Variants in LAMA1 observed in about 807,000 individuals in gnomAD.
LAMA1 encodes the protein laminin subunit alpha-1.
In LAMA1, 219 loss-of-function variants were observed where a neutral mutation model predicts 348.7. The ratio of observed to expected loss-of-function variants is 0.63; its 90% confidence interval spans 0.56 to 0.70. The LOEUF (loss-of-function observed/expected upper bound fraction) is 0.70. LAMA1 is among the 30% of genes least tolerant of loss of function. LAMA1 has a pLI of 0.00. For missense variants in LAMA1, 3,744 were observed against 3,888.0 expected (o/e 0.96, Z 0.99); for synonymous variants, 1,487 against 1,491.0 (o/e 1.00, Z 0.06).
At chr18:7,039,991 A>G in intron 10 of LAMA1, 85 bp downstream of exon 10, 1 of 1,502,074 alleles carries the variant, frequency 6.7e-7, no homozygotes, top group Non-Finnish European at 9.2e-7. Context: ...TTGCTCAAGA[A>G]CTGATCATTG....
intron 16 of LAMA1, among the ~76,000 whole-genome samples, chr18:7,029,690 GA>G (rs1199539304): frequency 1.3e-5 from 2 of 151,986 alleles, no homozygotes; most frequent in Non-Finnish European, 2.9e-5. Context: ...TCTTTCGATT[GA>G]AAAAAGAAAG....
At chr18:6,957,023 C>G (rs1320302296) in intron 55 of LAMA1, 5 of 458,792 alleles carry the variant, frequency 1.1e-5, no homozygotes, top group Middle Eastern at 6.6e-4. Context: ...TCCTGAGCAC[C>G]CCCCAGGTCA....
intron 13 of LAMA1, among the ~76,000 whole-genome samples, chr18:7,035,732 T>G (rs1199708985): frequency 6.6e-6 from 1 of 152,136 alleles, no homozygotes; most frequent in Non-Finnish European, 1.5e-5. Flanking sequence ...TCTTTTTAAA[T>G]GTGAAAAGAT....
intron 1 of LAMA1, among the ~76,000 whole-genome samples, chr18:7,104,159 A>G (rs890852026): frequency 8.6e-5 from 13 of 151,922 alleles, no homozygotes; most frequent in African/African-American, 3.1e-4. Context: ...TTGTAATTTT[A>G]GTAGAGACAG....
At position 6,956,730 on chromosome 18, in the gene LAMA1, T is replaced by C. The variant is rs759776613; in HGVS notation, c.8000A>G (p.Gln2667Arg). 6.2e-7 allele frequency: 1 copy of C among 1,614,212 alleles called. No individual in the cohort carries two copies. Among genetic ancestry groups the C allele is most frequent in the Non-Finnish European group, 8.5e-7 (1 of 1,180,038 alleles). The change falls in exon 56 of 63, where the codon CAA becomes CGA. Residue 2667 changes from glutamine to arginine, a missense_variant. By Grantham distance (43) the Gln-to-Arg change is conservative. This residue lies in a region of LAMA1 where 1,983 missense variants were observed against 1,934.3 expected (regional missense o/e 1.03). Coordinates refer to ENST00000389658, the MANE Select transcript of LAMA1 (RefSeq NM_005559.4). ...CAGCCAGCAGGTGTCCAGGTCGACT[T>C]GCTCATGGCCAACTGCACTGTTGAA... Reference protein sequence around the residue: ...LDFNSAVGHEQVDLDTCWLSE... With the variant: ...LDFNSAVGHERVDLDTCWLSE...
chr18:7,078,145 TTTTG>T (rs774283780), intron 3 of LAMA1, among the ~76,000 whole-genome samples: 113 of 150,458 alleles, frequency 7.5e-4, no homozygotes, highest in Non-Finnish European at 1.2e-3. Flanking sequence ...TTTTATTTTT[TTTTG>T]TTTTTTATTT....
At chr18:7,072,911 G>A (rs1471006983) in intron 3 of LAMA1, among the ~76,000 whole-genome samples, 1 of 152,144 alleles carries the variant, frequency 6.6e-6, no homozygotes, top group African/African-American at 2.4e-5. Context: ...CTACTTCCGG[G>A]TCCTATCAGC....
rs1246410559 is a variant in LAMA1 at position 6,983,182 on chromosome 18, C to T, written c.5713G>A (p.Val1905Ile). The T allele has an allele frequency of 3.1e-6, 5 of 1,614,050 alleles. No individual in the cohort carries two copies. The highest frequency in any genetic ancestry group is 4.2e-6 in the Non-Finnish European group (5 of 1,180,040). The part of the protein sequence containing the change: ...VSLNATSAAY[V>I]HYNIQSLIEE... ...ATCAGGCTCTGGATGTTGTAATGGA[C>T]ATAGGCTGCACTGGTGGCATTCAGG... Residue 1905 changes from valine to isoleucine, a missense_variant, in exon 40 of 63, where the codon GTC becomes ATC. Physicochemically the swap from Val to Ile is conservative, Grantham distance 29 (BLOSUM62 3). Coordinates refer to ENST00000389658, the MANE Select transcript of LAMA1 (RefSeq NM_005559.4).
chr18:6,997,993 A>G (rs2057790738), intron 32 of LAMA1, 109 bp from the exon 33 acceptor site: 2 of 946,986 alleles, frequency 2.1e-6, no homozygotes, highest in Admixed American at 1.7e-5. Context: ...ATGCGGTCAG[A>G]GTACACTCCA....
intron 30 of LAMA1, among the ~76,000 whole-genome samples, chr18:7,001,700 T>C (rs1223819180): frequency 6.6e-6 from 1 of 152,218 alleles, no homozygotes; most frequent in Non-Finnish European, 1.5e-5. Context: ...TGAGTTATAA[T>C]TTTCATTTGA....
At chr18:7,000,024 T>A in intron 30 of LAMA1, 27 bp from the exon 31 acceptor site, 1 of 1,507,482 alleles carries the variant, frequency 6.6e-7, no homozygotes, top group Non-Finnish European at 9.2e-7. Flanking sequence ...TCTTTTTGAA[T>A]TTTCAGATAT....
chr18:6,966,426 T>C, intron 48 of LAMA1, 129 bp from the exon 49 acceptor site: 1 of 785,580 alleles, frequency 1.3e-6, no homozygotes, highest in Admixed American at 2.1e-5. Flanking sequence ...ATAACAAGTG[T>C]AGATGATAAT....
intron 16 of LAMA1, among the ~76,000 whole-genome samples, chr18:7,030,625 G>C (rs2057964477): frequency 6.6e-6 from 1 of 152,142 alleles, no homozygotes; most frequent in Non-Finnish European, 1.5e-5. Flanking sequence ...TAGCTCTTCT[G>C]TAAGTCTAAA....
In LAMA1 at chr18:7,086,230, C is replaced by T. The variant is rs181615507; in HGVS notation, c.62-5773G>A. On this transcript the variant is annotated intron_variant, in intron 1 of 62. Transcript: ENST00000389658. Reference sequence around the variant, plus strand: ...GAAGGAAAGAGAAGCTTCTTCTCACCGATGTGGATAAACATAACATTAAAA... The same window carrying T: ...GAAGGAAAGAGAAGCTTCTTCTCACTGATGTGGATAAACATAACATTAAAA... Among the ~76,000 whole-genome samples the T allele has an allele frequency of 7.7e-4, 117 of 152,200 alleles. 1 individual carries two copies. The South Asian group carries it at 0.013, about 16-fold the overall frequency.
At chr18:7,037,441 G>T (rs1008005155) in intron 12 of LAMA1, 137 bp downstream of exon 12, 1 of 911,096 alleles carries the variant, frequency 1.1e-6, no homozygotes, top group East Asian at 2.4e-5. Context: ...ATCATCAGAT[G>T]CAAGTACAGG....
At chr18:6,999,876 C>T (rs2057799841) in intron 31 of LAMA1, 35 bp downstream of exon 31, 2 of 1,570,216 alleles carry the variant, frequency 1.3e-6, no homozygotes, top group African/African-American at 1.4e-5. Context: ...AAACAGAGTG[C>T]CCAGGGATTT....
At chr18:7,008,666 C>T (rs1474486767) in intron 27 of LAMA1, 58 bp from the exon 28 acceptor site, 14 of 1,597,314 alleles carry the variant, frequency 8.8e-6, no homozygotes, top group Non-Finnish European at 1.2e-5. Flanking sequence ...TTTCTAGAAA[C>T]ATAGCACATG....
chr18:7,105,790 T>C (rs141100380), intron 1 of LAMA1, among the ~76,000 whole-genome samples: 159 of 152,334 alleles, frequency 1.0e-3, no homozygotes, highest in African/African-American at 3.6e-3. Flanking sequence ...CACCAGACTT[T>C]ATCCCAAAAC....
chr18:7,056,330 T>G (rs146496715), intron 3 of LAMA1, among the ~76,000 whole-genome samples: 171 of 152,290 alleles, frequency 1.1e-3, no homozygotes, highest in Admixed American at 1.8e-3. Context: ...GGCAAGGTCA[T>G]TTACAAAGAC....
Sources: allele counts gnomAD v4.1 joint callset (sites outside exome capture counted in the v4.1 genomes callset), GRCh38; gene constraint gnomAD v4.1.1; regional missense constraint gnomAD v4.1.1; transcripts MANE v1.5; gene names NCBI Gene and HGNC (gene_info 2026-07-23, HGNC 2026-07-21).